The following PCDHGB3 variants were observed in gnomAD, a reference collection of about 807,000 sequenced individuals.
PCDHGB3 encodes protocadherin gamma-B3.
PCDHGB3 carries 40 observed loss-of-function variants against 59.2 expected under a neutral mutation model. The ratio of observed to expected loss-of-function variants is 0.68; its 90% CI spans 0.52 to 0.88. The LOEUF (loss-of-function observed/expected upper bound fraction) is 0.88, where lower values mean the gene tolerates loss of function less well. PCDHGB3 is among the 40% of genes least tolerant of loss of function. The pLI is 0.00. For synonymous variants in PCDHGB3, 581 were observed against 503.6 expected, an observed-to-expected ratio of 1.15 and a Z score of -2.06; for missense variants, 1,309 against 1,187.9, an observed-to-expected ratio of 1.10 and a Z score of -1.50.
At chr5:141,374,269 C>G in intron 1 of PCDHGB3, 2 of 1,614,002 alleles carry the variant, frequency 1.2e-6, no homozygotes. Context: ...TGGCGGAGCA[C>G]GGAGTCCGCA....
rs1265360670 is a variant in PCDHGB3, at chr5:141,435,001, T to A, written c.2416-59806T>A. On this transcript the variant is annotated intron_variant, in intron 1 of 3. Transcript: ENST00000576222. ...TACTCTATATCATTTTCTAGCTGAATTTATCAATGATAATGCTCTTTTCCC... is the reference window on the plus strand; with the variant it reads ...TACTCTATATCATTTTCTAGCTGAAATTATCAATGATAATGCTCTTTTCCC... Among the ~76,000 whole-genome samples the A allele has an allele frequency of 3.9e-5, 6 of 152,120 alleles. No homozygotes were observed. In the East Asian group the frequency reaches 1.2e-3, roughly 29 times the overall value.
chr5:141,479,469 C>T lies in PCDHGB3; in HGVS notation c.2416-15338C>T, dbSNP rs1218436564. 8 of 152,344 alleles carry T rather than the reference C, an allele frequency of 5.3e-5. No homozygotes were observed. In the East Asian group the frequency reaches 1.5e-3, roughly 29 times the overall value. 9.4% of individuals were successfully genotyped at this position (152,344 alleles called of 1,614,324 possible). On this transcript the variant is annotated intron_variant, in intron 1 of 3. Transcript: ENST00000576222. ...AAGTTCAGCATGAATACAGTGACCT[C>T]TTGGGAGGGCAGGACCATCAGGTTG...
intron 1 of PCDHGB3, chr5:141,402,790 A>G: frequency 1.0e-6 from 1 of 961,364 alleles, no homozygotes; most frequent in Non-Finnish European, 1.5e-6. Flanking sequence ...TTCTGCGGCT[A>G]CACAAAACCC....
intron 2 of PCDHGB3, among the ~76,000 whole-genome samples, chr5:141,496,186 G>A (rs879940448): frequency 2.0e-5 from 3 of 152,018 alleles, no homozygotes; most frequent in Non-Finnish European, 4.4e-5. Flanking sequence ...AGCAGCCCCA[G>A]CTGCTCATTT....
chr5:141,403,956 T>A (rs375951516), intron 1 of PCDHGB3: 6 of 1,613,884 alleles, frequency 3.7e-6, no homozygotes, highest in Non-Finnish European at 5.1e-6. Flanking sequence ...AAAGTGCTCA[T>A]TTCGGTGGAA....
intron 1 of PCDHGB3, among the ~76,000 whole-genome samples, chr5:141,482,458 C>G (rs986628162): frequency 1.4e-5 from 2 of 147,624 alleles, no homozygotes; most frequent in African/African-American, 2.6e-5. Flanking sequence ...ATTAGCATCC[C>G]TATGTGCCAG....
intron 1 of PCDHGB3, chr5:141,417,798 C>G (rs2096163233): frequency 6.7e-7 from 1 of 1,486,352 alleles, no homozygotes; most frequent in African/African-American, 1.4e-5. Flanking sequence ...GCTCTTTTAG[C>G]GCGGTAGAGT....
intron 1 of PCDHGB3, chr5:141,384,230 A>G (rs771827146): frequency 1.2e-6 from 2 of 1,613,916 alleles, no homozygotes; most frequent in Admixed American, 3.3e-5. Flanking sequence ...CAGGTGGCAG[A>G]CACCAACGAT....
intron 1 of PCDHGB3, chr5:141,423,748 T>TG: frequency 7.2e-6 from 2 of 278,014 alleles, no homozygotes; most frequent in Admixed American, 4.2e-4. Flanking sequence ...ATGAAAACTG[T>TG]TTGGGGGGGG....
At chr5:141,396,792 A>G (rs2093435420) in intron 1 of PCDHGB3, among the ~76,000 whole-genome samples, 1 of 152,202 alleles carries the variant, frequency 6.6e-6, no homozygotes, top group Non-Finnish European at 1.5e-5. Flanking sequence ...GACATTTCCT[A>G]AGGATTGTGT....
At chr5:141,494,772 G>C in intron 1 of PCDHGB3, 35 bp from the exon 2 acceptor site, 1 of 1,613,982 alleles carries the variant, frequency 6.2e-7, no homozygotes, top group Non-Finnish European at 8.5e-7. Context: ...ACTTCTCACG[G>C]GTACTCAGCC....
chr5:141,409,178 G>C, intron 1 of PCDHGB3: 1 of 1,613,994 alleles, frequency 6.2e-7, no homozygotes, highest in Non-Finnish European at 8.5e-7. Context: ...GGACGGAGGT[G>C]GTCTCTCTAC....
rs763840734 is a variant in PCDHGB3, at chr5:141,428,113, T to C, written c.2415+55304T>C. The stretch of plus-strand genomic sequence containing the variant: ...CTGTCCTACCACGTGCTGCAGGCCA[T>C]CGAGCCCGGGCTTTTCAGCCTGGGG... On this transcript the variant is annotated intron_variant, in intron 1 of 3. Transcript: ENST00000576222. 1.0e-5 allele frequency: 16 copies of C among 1,607,374 alleles called. No homozygotes were observed. In the African/African-American group the frequency reaches 1.9e-4, roughly 19 times the overall value.
intron 1 of PCDHGB3, among the ~76,000 whole-genome samples, chr5:141,438,635 TAC>T (rs56854727): frequency 0.14 from 4,591 of 32,686 alleles, 460 homozygotes; most frequent in Middle Eastern, 0.21. Flanking sequence ...TATATATATA[TAC>T]ACACACACAC....
At chr5:141,509,376 C>A (rs2099876528) in intron 3 of PCDHGB3, among the ~76,000 whole-genome samples, 1 of 152,122 alleles carries the variant, frequency 6.6e-6, no homozygotes, top group African/African-American at 2.4e-5. Flanking sequence ...TTAACTGTCT[C>A]CTAACCACAG....
At position 141,476,792 on chromosome 5, in the gene PCDHGB3, G is replaced by T. The variant is rs376910320; in HGVS notation, c.2416-18015G>T. ...GGACGGAGGGACCCCAGCTCTCTCC[G>T]CCAGCCTGCCTATTCACATCAAGGT... On this transcript the variant is annotated intron_variant, in intron 1 of 3. Coordinates refer to ENST00000576222, the MANE Select transcript of PCDHGB3 (RefSeq NM_018924.5). The surrounding 1 kb of genome is among the most constrained non-coding windows in gnomAD (Gnocchi z 7.6). 4.3e-6 allele frequency: 7 copies of T among 1,612,720 alleles called. No individual in the cohort carries two copies. Among genetic ancestry groups the T allele is most frequent in the Non-Finnish European group, 5.1e-6 (6 of 1,179,958 alleles).
chr5:141,388,769 C>T (rs1216196772), intron 1 of PCDHGB3: 23 of 1,613,914 alleles, frequency 1.4e-5, no homozygotes, highest in Non-Finnish European at 1.9e-5. Flanking sequence ...TGAACTCTAA[C>T]ACCGGGGAAA....
At position 141,450,006 on chromosome 5, in the gene PCDHGB3, C is replaced by CTAT. The variant is rs70988802; in HGVS notation, c.2416-44800_2416-44799insATT. ...CACATTGCATTTAGTTGCCATGTCT[C>CTAT]TTTTTTTTTTTTTTTTTTGAGACAG... On this transcript the variant is annotated intron_variant, in intron 1 of 3. Transcript: ENST00000576222. Among the ~76,000 whole-genome samples the CTAT allele has an allele frequency of 2.5e-4, 33 of 132,964 alleles. 6 individuals are homozygous for CTAT. Among genetic ancestry groups the CTAT allele is most frequent in the Non-Finnish European group, 2.9e-4 (18 of 62,916 alleles). The allele number at this position is 132,964 out of a possible 152,430, so 87.2% of individuals were successfully genotyped here. A position where few individuals can be genotyped will look rare whatever the true frequency, so the allele number is the denominator to read the frequency against.
chr5:141,385,256 A>G lies in PCDHGB3; in HGVS notation c.2415+12447A>G, dbSNP rs779090806. On this transcript the variant is annotated intron_variant, in intron 1 of 3. Transcript: ENST00000576222. Reference sequence around the variant, plus strand: ...ATGCTCATCAGCCAGGAGAGCTGTGAGAAAAATGATTCTTTGCTAACATCC... The same window carrying G: ...ATGCTCATCAGCCAGGAGAGCTGTGGGAAAAATGATTCTTTGCTAACATCC... 7 of 1,613,794 alleles carry G rather than the reference A, an allele frequency of 4.3e-6. No homozygotes were observed. In the Admixed American group the frequency reaches 1.0e-4, roughly 23 times the overall value.
Sources: allele counts gnomAD v4.1 joint callset (sites outside exome capture counted in the v4.1 genomes callset), GRCh38; gene constraint gnomAD v4.1.1; non-coding constraint Gnocchi (gnomAD v3.1); transcripts MANE v1.5; gene names NCBI Gene and HGNC (gene_info 2026-07-23, HGNC 2026-07-21).